Variants in RAPGEF1 observed in about 807,000 individuals in gnomAD.
The protein encoded by RAPGEF1 is Rap guanine nucleotide exchange factor 1.
RAPGEF1 carries 33 observed loss-of-function variants against 143.3 expected under a neutral mutation model. That is an observed-to-expected ratio of 0.23 (90% confidence interval 0.17 to 0.31). The LOEUF (loss-of-function observed/expected upper bound fraction) is 0.31. Ranked by LOEUF, RAPGEF1 falls within the 10% of genes least tolerant of loss-of-function variation. RAPGEF1 has a pLI of 1.00. For missense variants in RAPGEF1, 1,199 were observed against 1,645.4 expected (o/e 0.73, Z 4.69); for synonymous variants, 629 against 676.5 (o/e 0.93, Z 1.09).
At chr9:131,606,075 A>AATAAAAACAAATGTG (rs1957071465) in intron 12 of RAPGEF1, among the ~76,000 whole-genome samples, 1 of 152,158 alleles carries the variant, frequency 6.6e-6, no homozygotes, top group Non-Finnish European at 1.5e-5. Flanking sequence ...TCCTGTCTCA[A>AATAAAAACAAATGTG]ATAAAAACAA....
intron 14 of RAPGEF1, 52 bp from the exon 15 acceptor site, chr9:131,602,201 GCT>G: frequency 7.3e-7 from 1 of 1,370,334 alleles, no homozygotes; most frequent in South Asian, 1.3e-5. Flanking sequence ...CTGCGGGGCT[GCT>G]CTGTCTTCCC....
At chr9:131,635,745 G>A (rs1359853795) in intron 5 of RAPGEF1, among the ~76,000 whole-genome samples, 1 of 152,046 alleles carries the variant, frequency 6.6e-6, no homozygotes, top group Non-Finnish European at 1.5e-5. Flanking sequence ...GCCGGGGAGG[G>A]GGCAGCAGGT....
chr9:131,623,818 G>A (rs1369648134), intron 10 of RAPGEF1, among the ~76,000 whole-genome samples: 1 of 152,234 alleles, frequency 6.6e-6, no homozygotes, highest in Non-Finnish European at 1.5e-5. Context: ...ATGAGGACAC[G>A]TCGTGACATT....
At chr9:131,719,012 G>T (rs775067061) in intron 1 of RAPGEF1, among the ~76,000 whole-genome samples, 3 of 152,124 alleles carry the variant, frequency 2.0e-5, no homozygotes, top group African/African-American at 2.4e-5. Context: ...TTTTGTGTGT[G>T]TGTGTGAGAC....
In RAPGEF1 at chr9:131,656,374, C is replaced by A. The variant is rs1379503654; in HGVS notation, c.62-5425G>T. Among the ~76,000 whole-genome samples the A allele has an allele frequency of 2.0e-5, 3 of 152,202 alleles. No homozygotes were observed. In the East Asian group the frequency reaches 5.8e-4, roughly 29 times the overall value. ...TCCTATTGCTGTCCCTACTCCATGT[C>A]TTCTGATGGCAGCCCCACAGTGTCC... On this transcript the variant is annotated intron_variant, in intron 1 of 26. Coordinates refer to ENST00000683357, the MANE Select transcript of RAPGEF1 (RefSeq NM_001377935.1).
intron 17 of RAPGEF1, among the ~76,000 whole-genome samples, chr9:131,594,545 T>C (rs2132329654): frequency 6.6e-6 from 1 of 152,342 alleles, no homozygotes; most frequent in Middle Eastern, 3.4e-3. Context: ...GGCTCCCAGC[T>C]GCTCGTGATG....
In RAPGEF1 at chr9:131,626,264, GGCC is replaced by G. The variant is rs1564560103; in HGVS notation, c.1357_1359del (p.Gly453del). 1 of 1,613,860 alleles carries G rather than the reference GGCC, an allele frequency of 6.2e-7. No individual in the cohort carries two copies. The highest frequency in any genetic ancestry group is 2.2e-5 in the East Asian group (1 of 44,900). Reference sequence around the variant, plus strand: ...GCCAGAGGTCCGTCTGGCTGGGGATGGCCGCCAAGAGGCAGCTGGAAAGGAGGG... The same window carrying G: ...GCCAGAGGTCCGTCTGGCTGGGGATGGCCAAGAGGCAGCTGGAAAGGAGGG... On this transcript the variant is annotated inframe_deletion, in exon 10 of 27. Transcript: ENST00000683357.
rs1963961771 is a variant in RAPGEF1 at position 131,628,552 on chromosome 9, C to T, written c.1014G>A (p.Arg338=). 4.3e-6 allele frequency: 7 copies of T among 1,612,666 alleles called. No individual in the cohort carries two copies. Among genetic ancestry groups the T allele is most frequent in the Non-Finnish European group, 5.9e-6 (7 of 1,178,748 alleles). Residue 338 remains arginine (R), a synonymous_variant, in exon 8 of 27, where the codon AGG becomes AGA. Transcript: ENST00000683357. The surrounding 1 kb of genome is among the most constrained non-coding windows in gnomAD (Gnocchi z 5.7). ...CAGGGAACAGGGGCTGCATTACCTG[C>T]CTATTGATTCCAACAGGCAAACTGG... The part of the protein sequence containing the change: ...SGSSLPVGIN[R]QDFDVDCYAQ...
Position 131,628,031 on chromosome 9 carries a change from C to T in RAPGEF1, c.1083G>A (p.Glu361=), listed in dbSNP as rs375230782. Residue 361 remains glutamate, a synonymous_variant, in exon 9 of 27, where the codon GAG becomes GAA. Transcript: ENST00000683357. This position sits in a 1 kb window ranked among gnomAD's most constrained non-coding sequence, Gnocchi z 5.7. ...TGCTGCAGGGGGAGAGGCGGGGCGA[C>T]TCTCCACCATATGAGTGGCTGCCTC... ...LSGGSHSYGG[E]SPRLSPCSSI... is the part of the protein sequence containing the mutation. 1.3e-5 allele frequency: 21 copies of T among 1,564,514 alleles called. 1 individual carries two copies. In the African/African-American group the frequency reaches 2.8e-4, roughly 21 times the overall value.
In RAPGEF1 at chr9:131,708,698, A is replaced by G. The variant is rs552721370; in HGVS notation, c.61+31072T>C. 2.8e-4 allele frequency among the ~76,000 whole-genome samples: 42 copies of G among 152,090 alleles called. 1 individual carries two copies. Among genetic ancestry groups the G allele is most frequent in the Admixed American group, 9.8e-4 (15 of 15,270 alleles). ...AATATCACAAAAGCCTCAAACTCCT[A>G]GATATCAAAGCTTTGACCTGGGATA... On this transcript the variant is annotated intron_variant, in intron 1 of 26. Transcript: ENST00000683357.
chr9:131,579,231 C>T lies in RAPGEF1; in HGVS notation c.*266G>A. The stretch of plus-strand genomic sequence containing the variant: ...ATGGAAGTAAAAGCAGAAAACAAAA[C>T]CAAACCAGAAAACCACCGGTTTGTA... On this transcript the variant is annotated 3_prime_UTR_variant, in exon 27 of 27. Transcript: ENST00000683357. 1 of 455,856 alleles carries T rather than the reference C, an allele frequency of 2.2e-6. No individual in the cohort carries two copies. Among genetic ancestry groups the T allele is most frequent in the Non-Finnish European group, 4.0e-6 (1 of 253,106 alleles). 28.2% of individuals were successfully genotyped at this position (455,856 alleles called of 1,614,324 possible). A position where few individuals can be genotyped will look rare whatever the true frequency, so the allele number is the denominator to read the frequency against.
At chr9:131,703,145 C>T (rs773248189) in intron 1 of RAPGEF1, among the ~76,000 whole-genome samples, 10 of 152,166 alleles carry the variant, frequency 6.6e-5, no homozygotes, top group Non-Finnish European at 1.3e-4. Context: ...TGCATGCGTG[C>T]CACCACGCCC....
chr9:131,671,602 C>T (rs1588940929), intron 1 of RAPGEF1, among the ~76,000 whole-genome samples: 1 of 152,152 alleles, frequency 6.6e-6, no homozygotes, highest in African/African-American at 2.4e-5. Flanking sequence ...CAACCCAGGG[C>T]TATGGCACAC....
intron 6 of RAPGEF1, among the ~76,000 whole-genome samples, chr9:131,629,673 C>T (rs531776236): frequency 6.6e-6 from 1 of 151,922 alleles, no homozygotes; most frequent in Non-Finnish European, 1.5e-5. Context: ...CACCTGTAGT[C>T]CCAACTACTT....
intron 3 of RAPGEF1, among the ~76,000 whole-genome samples, chr9:131,647,327 T>C (rs150129762): frequency 6.6e-6 from 1 of 152,112 alleles, no homozygotes; most frequent in South Asian, 2.1e-4. Flanking sequence ...GTGGGAATAA[T>C]AAAAGCTTCC....
Position 131,602,223 on chromosome 9 carries a change from G to A in RAPGEF1, c.2413-74C>T, listed in dbSNP as rs571810047. The A allele has an allele frequency of 4.4e-6, 5 of 1,124,166 alleles. No homozygotes were observed. In the East Asian group the frequency reaches 1.0e-4, roughly 23 times the overall value. The allele number at this position is 1,124,166 out of a possible 1,614,324, so 69.6% of individuals were successfully genotyped here. On this transcript the variant is annotated intron_variant, in intron 14 of 26. Transcript: ENST00000683357. ...GCTGCTCTGTCTTCCCAGCATTCCTGCCTGCAAGTGGCTGTGGAGTGCAAG... is the reference window on the plus strand; with the variant it reads ...GCTGCTCTGTCTTCCCAGCATTCCTACCTGCAAGTGGCTGTGGAGTGCAAG...
chr9:131,721,583 C>T (rs1437990169), intron 1 of RAPGEF1, among the ~76,000 whole-genome samples: 2 of 152,156 alleles, frequency 1.3e-5, no homozygotes, highest in African/African-American at 4.8e-5. Context: ...ATGGAATAGT[C>T]GCCGAAGAAT....
At position 131,605,132 on chromosome 9, in the gene RAPGEF1, G is replaced by C. The variant is rs757762524; in HGVS notation, c.2118C>G (p.Ser706=). The C allele has an allele frequency of 1.1e-4, 156 of 1,363,054 alleles. No homozygotes were observed. The highest frequency in any genetic ancestry group is 1.5e-4 in the Non-Finnish European group (154 of 1,020,238). The allele number at this position is 1,363,054 out of a possible 1,614,324, so 84.4% of individuals were successfully genotyped here. A position where few individuals can be genotyped will look rare whatever the true frequency, so the allele number is the denominator to read the frequency against. The part of the protein sequence containing the change: ...SQDFVPHHQA[S]VPPFLPPTSS... ...AGGTAGGCGGAAGGAAAGGCGGAAC[G>C]GAAGCTTGGTGGTGAGGCACGAAAT... is the stretch of plus-strand genomic sequence containing the variant. Residue 706 remains serine (S), a synonymous_variant, in exon 13 of 27, where the codon TCC becomes TCG. Coordinates refer to ENST00000683357, the MANE Select transcript of RAPGEF1 (RefSeq NM_001377935.1).
chr9:131,616,250 G>A (rs1216819940), intron 12 of RAPGEF1, among the ~76,000 whole-genome samples: 1 of 152,148 alleles, frequency 6.6e-6, no homozygotes, highest in Non-Finnish European at 1.5e-5. Context: ...CTGGGCAACA[G>A]AGCAAGACTC....
Sources: gnomAD v4.1 joint callset for allele counts (sites outside exome capture counted in the v4.1 genomes callset) on GRCh38, gnomAD v4.1.1 for gene constraint, Gnocchi (gnomAD v3.1) non-coding constraint, MANE v1.5 for transcripts, NCBI Gene and HGNC (gene_info 2026-07-23, HGNC 2026-07-21) for gene names.